PPP2R2C: variants seen among roughly 807,000 people sequenced by gnomAD.
PPP2R2C encodes protein phosphatase 2 regulatory subunit Bgamma, also known as protein phosphatase 2, regulatory subunit B, gamma.
Under a neutral mutation model 45.3 loss-of-function variants are expected in PPP2R2C, and 10 were observed. The ratio of observed to expected loss-of-function variants is 0.22; its 90% CI spans 0.14 to 0.37. PPP2R2C has a LOEUF of 0.37. PPP2R2C is among the 10% of genes least tolerant of loss of function. The probability of loss-of-function intolerance (pLI) is 1.00; values close to 1 mark genes in which losing one functional copy is unlikely to be tolerated. For missense variants in PPP2R2C, 308 were observed against 619.7 expected (o/e 0.50, Z 5.34); for synonymous variants, 257 against 245.4 (o/e 1.05, Z -0.44).
At chr4:6,455,423 T>C (rs908884269) in intron 1 of PPP2R2C, among the ~76,000 whole-genome samples, 22 of 152,106 alleles carry the variant, frequency 1.4e-4, no homozygotes, top group African/African-American at 5.1e-4. Context: ...CCTGCCACCA[T>C]CTGCACCCCC....
At chr4:6,383,551 G>T in intron 1 of PPP2R2C, 3 of 722,080 alleles carry the variant, frequency 4.2e-6, no homozygotes, top group Non-Finnish European at 4.0e-6. Flanking sequence ...GTACCAGCAT[G>T]GCTCCTTCCT....
chr4:6,391,956 C>T (rs772523338), intron 1 of PPP2R2C, among the ~76,000 whole-genome samples: 44 of 152,230 alleles, frequency 2.9e-4, no homozygotes, highest in Non-Finnish European at 4.8e-4. Flanking sequence ...AACACACACC[C>T]TCCGAGGCGC....
At chr4:6,526,785 A>G (rs1560603379) in intron 2 of PPP2R2C, among the ~76,000 whole-genome samples, 1 of 152,204 alleles carries the variant, frequency 6.6e-6, no homozygotes, top group Non-Finnish European at 1.5e-5. Context: ...TTTTGCATAA[A>G]TGAATATGCA....
At chr4:6,338,981 G>T (rs1051147224) in intron 6 of PPP2R2C, among the ~76,000 whole-genome samples, 27 of 152,250 alleles carry the variant, frequency 1.8e-4, no homozygotes, top group African/African-American at 6.3e-4. Flanking sequence ...GGGGCTTGCA[G>T]TAGCTGCTCA....
At chr4:6,556,949 A>C (rs145598147) in intron 1 of PPP2R2C, among the ~76,000 whole-genome samples, 1 of 152,202 alleles carries the variant, frequency 6.6e-6, no homozygotes, top group African/African-American at 2.4e-5. Flanking sequence ...CTGTGGGCAA[A>C]ACCCACCCAA....
At chr4:6,435,126 A>G (rs1343304197) in intron 1 of PPP2R2C, among the ~76,000 whole-genome samples, 2 of 152,150 alleles carry the variant, frequency 1.3e-5, no homozygotes, top group African/African-American at 4.8e-5. Context: ...CAGGGACACC[A>G]ATTATGTGTA....
intron 1 of PPP2R2C, among the ~76,000 whole-genome samples, chr4:6,404,444 G>A (rs1257160130): frequency 6.6e-6 from 1 of 152,196 alleles, no homozygotes; most frequent in East Asian, 1.9e-4. Flanking sequence ...GACCTCGCTT[G>A]TATGCACAGC....
intron 1 of PPP2R2C, chr4:6,383,643 C>T (rs1716016356): frequency 4.0e-6 from 2 of 496,154 alleles, no homozygotes; most frequent in East Asian, 7.8e-5. Context: ...TGCACCCCAG[C>T]ACCCTCATAC....
intron 1 of PPP2R2C, among the ~76,000 whole-genome samples, chr4:6,422,081 A>G (rs1292845607): frequency 6.7e-6 from 1 of 150,032 alleles, no homozygotes; most frequent in African/African-American, 2.5e-5. Context: ...TAGAGTCTTG[A>G]GTAGTCAAAA....
At chr4:6,353,387 T>TGACAGACCCCCCCCACC (rs1712766681) in intron 5 of PPP2R2C, among the ~76,000 whole-genome samples, 1 of 12,000 alleles carries the variant, frequency 8.3e-5, no homozygotes, top group Non-Finnish European at 1.6e-4. Context: ...GCCCCCACAC[T>TGACAGACCCCCCCCACC]GACAGCCCCC....
intron 2 of PPP2R2C, among the ~76,000 whole-genome samples, chr4:6,527,771 G>A (rs754893288): frequency 2.6e-5 from 4 of 151,960 alleles, no homozygotes; most frequent in Non-Finnish European, 5.9e-5. Flanking sequence ...CTTCCCACAG[G>A]CCCCACCACC....
intron 2 of PPP2R2C, among the ~76,000 whole-genome samples, chr4:6,497,704 C>T (rs1722921311): frequency 6.6e-6 from 1 of 152,132 alleles, no homozygotes; most frequent in Non-Finnish European, 1.5e-5. Context: ...AAAAGACAAG[C>T]TACATGCAGG....
intron 4 of PPP2R2C, 94 bp from the exon 5 acceptor site, chr4:6,372,794 G>C (rs761542328): frequency 1.7e-4 from 221 of 1,309,002 alleles, no homozygotes; most frequent in Non-Finnish European, 2.3e-4. Context: ...CCGGAGGCTG[G>C]AACACAGGGG....
chr4:6,419,226 T>C (rs1577167621), intron 1 of PPP2R2C, among the ~76,000 whole-genome samples: 1 of 152,304 alleles, frequency 6.6e-6, no homozygotes, highest in African/African-American at 2.4e-5. Flanking sequence ...GAGACCAGCC[T>C]GGCCAACGTG....
Position 6,333,672 on chromosome 4 carries a change from C to T in PPP2R2C, c.850G>A (p.Val284Met), listed in dbSNP as rs747639231. 2.0e-5 allele frequency: 33 copies of T among 1,613,986 alleles called. No individual in the cohort carries two copies. Among genetic ancestry groups the T allele is most frequent in the East Asian group, 4.5e-5 (2 of 44,892 alleles). ...RSFFSEIISS[V>M]SDVKFSHSGR... ...CTGTGGCTGAACTTCACGTCGGACA[C>T]GGAGGAGATGATTTCCGAGAAGAAT... Residue 284 changes from valine to methionine, a missense_variant, in exon 7 of 9, where the codon GTG (valine) becomes ATG (methionine). Transcript: ENST00000382599.
chr4:6,342,335 T>C (rs1733516388), intron 6 of PPP2R2C, among the ~76,000 whole-genome samples: 1 of 152,196 alleles, frequency 6.6e-6, no homozygotes, highest in African/African-American at 2.4e-5. Context: ...ATTCAGGCAC[T>C]GTCTGAACCC....
chr4:6,359,856 T>C (rs1202016491), intron 5 of PPP2R2C, among the ~76,000 whole-genome samples: 1 of 152,142 alleles, frequency 6.6e-6, no homozygotes, highest in African/African-American at 2.4e-5. Flanking sequence ...GGCAAATCTC[T>C]GCTGACTGGA....
At position 6,329,556 on chromosome 4, in the gene PPP2R2C, C is replaced by A. The variant is rs561606868; in HGVS notation, c.961-203G>T. The stretch of plus-strand genomic sequence containing the variant: ...TCATCGGGAGGCCCATGACCAGGCA[C>A]ACGGCTGACCCCGACCGTGACACAG... On this transcript the variant is annotated intron_variant, in intron 7 of 8. Transcript: ENST00000382599. The surrounding 1 kb of genome is among the most constrained non-coding windows in gnomAD (Gnocchi z 5.8). Among the ~76,000 whole-genome samples, 2 of 151,944 alleles carry A rather than the reference C, an allele frequency of 1.3e-5. No individual in the cohort carries two copies. The highest frequency in any genetic ancestry group is 4.8e-5 in the African/African-American group (2 of 41,276).
At chr4:6,495,099 C>T (rs1233250784) in intron 2 of PPP2R2C, among the ~76,000 whole-genome samples, 1 of 152,212 alleles carries the variant, frequency 6.6e-6, no homozygotes, top group Non-Finnish European at 1.5e-5. Context: ...CCTCTCCTAC[C>T]CATCCAGCCT....
Sources: gnomAD v4.1 joint callset for allele counts (sites outside exome capture counted in the v4.1 genomes callset) on GRCh38, gnomAD v4.1.1 for gene constraint, Gnocchi (gnomAD v3.1) non-coding constraint, MANE v1.5 for transcripts, NCBI Gene and HGNC (gene_info 2026-07-23, HGNC 2026-07-21) for gene names.